The following FGF8 variants were observed in gnomAD, a reference collection of about 807,000 sequenced individuals.
The protein encoded by FGF8 is androgen-induced growth factor.
In FGF8, 12 loss-of-function variants were observed where a neutral mutation model predicts 29.7. The ratio of observed to expected loss-of-function variants is 0.40; its 90% CI spans 0.26 to 0.65. The LOEUF is 0.65. Among genes scored for constraint, FGF8 ranks in the 30% least tolerant of loss-of-function variants. The pLI, the probability that FGF8 is intolerant of heterozygous loss-of-function variation, is 0.37. For synonymous variants in FGF8, 157 were observed against 144.4 expected, an observed-to-expected ratio of 1.09 and a Z score of -0.63; for missense variants, 271 against 345.1, an observed-to-expected ratio of 0.79 and a Z score of 1.70.
upstream of FGF8, among the ~76,000 whole-genome samples, chr10:101,776,935 A>G (rs570784653): frequency 4.6e-5 from 7 of 151,924 alleles, no homozygotes; most frequent in South Asian, 1.5e-3. Context: ...CCTGTGTGGA[A>G]GAGAGAGTCC....
Position 101,771,454 on chromosome 10 carries a change from G to A in FGF8, c.444+9C>T. On this transcript the variant is annotated intron_variant, in intron 5 of 5. Transcript: ENST00000320185. This position sits in a 1 kb window ranked among gnomAD's most constrained non-coding sequence, Gnocchi z 5.3. ...TCCCGCGGACCCCACCTGCCTGCTG[G>A]GGCCTCACCTTGGCGATCAGCTTCC... 1 of 1,611,138 alleles carries A rather than the reference G, an allele frequency of 6.2e-7. No individual in the cohort carries two copies. Among genetic ancestry groups the A allele is most frequent in the Non-Finnish European group, 8.5e-7 (1 of 1,177,332 alleles).
chr10:101,774,583 C>G (rs558833509), intron 4 of FGF8, 149 bp downstream of exon 4: 1 of 666,356 alleles, frequency 1.5e-6, no homozygotes, highest in East Asian at 2.7e-5. Flanking sequence ...CCTTCCCTAG[C>G]CCTCTCTTCC....
rs1307088182 is a variant in FGF8, at chr10:101,775,854, C to T, written c.32+15G>A. 3 of 1,505,978 alleles carry T rather than the reference C, an allele frequency of 2.0e-6. No homozygotes were observed. Among genetic ancestry groups the T allele is most frequent in the East Asian group, 5.3e-5 (2 of 37,938 alleles). 93.3% of individuals were successfully genotyped at this position (1,505,978 alleles called of 1,614,324 possible). ...GCGGGGGGCGGGTGGCGGGGCAGGG[C>T]GGCGCGGTACTCACAGGCAGCTCAG... On this transcript the variant is annotated intron_variant, in intron 1 of 5. Transcript: ENST00000320185. The surrounding 1 kb of genome is among the most constrained non-coding windows in gnomAD (Gnocchi z 4.6).
rs753883272 is a variant in FGF8, at chr10:101,770,539, G to A, written c.525C>T (p.Tyr175=). The A allele has an allele frequency of 9.3e-6, 15 of 1,613,494 alleles. No homozygotes were observed. Among genetic ancestry groups the A allele is most frequent in the East Asian group, 2.2e-5 (1 of 44,880 alleles). Residue 175 remains tyrosine (Y), a synonymous_variant, in exon 6 of 6, where the codon TAC becomes TAT. Transcript: ENST00000320185. Reference sequence around the variant, plus strand: ...GGGTGAAGGCCATGTACCAGCCCTCGTACTTGGCATTCTGCAGCGCTGTGT... The same window carrying A: ...GGGTGAAGGCCATGTACCAGCCCTCATACTTGGCATTCTGCAGCGCTGTGT... The part of the protein sequence containing the change: ...NNYTALQNAK[Y]EGWYMAFTRK...
chr10:101,778,616 A>T (rs1052445441), upstream of FGF8, among the ~76,000 whole-genome samples: 3 of 152,192 alleles, frequency 2.0e-5, no homozygotes, highest in East Asian at 1.9e-4. Context: ...TTACATTTGG[A>T]TTTGGAGACC....
Position 101,775,786 on chromosome 10 carries a change from A to G in FGF8, c.33-10T>C. ...CAGCAAGTGCAACAGCCTGTGGGAG[A>G]CAAAAGCGGGCGGGAGAGAGAGGCG... On this transcript the variant is annotated splice_polypyrimidine_tract_variant and intron_variant, in intron 1 of 5. Coordinates refer to ENST00000320185, the MANE Select transcript of FGF8 (RefSeq NM_033163.5). This position sits in a 1 kb window ranked among gnomAD's most constrained non-coding sequence, Gnocchi z 4.6. 2 of 1,542,692 alleles carry G rather than the reference A, an allele frequency of 1.3e-6. No homozygotes were observed. The highest frequency in any genetic ancestry group is 1.7e-6 in the Non-Finnish European group (2 of 1,144,884).
rs1329087018 is a variant in FGF8, at chr10:101,775,757, G to T, written c.52C>A (p.Leu18Ile). Residue 18 changes from leucine to isoleucine, a missense_variant, in exon 2 of 6, where the codon CTC becomes ATC. By Grantham distance (5) the Leu-to-Ile change is conservative. Transcript: ENST00000320185. The surrounding 1 kb of genome is among the most constrained non-coding windows in gnomAD (Gnocchi z 4.6). ...CTCCTCACCTGGGCTTGGAGGCAGA[G>T]GACCAGCAAGTGCAACAGCCTGTGG... is the stretch of plus-strand genomic sequence containing the variant. ...LSCLLLHLLV[L>I]CLQAQEGPGR... 6.5e-7 allele frequency: 1 copy of T among 1,545,984 alleles called. No homozygotes were observed. Among genetic ancestry groups the T allele is most frequent in the Admixed American group, 2.0e-5 (1 of 51,020 alleles).
At chr10:101,774,470 G>A (rs2065062810) in intron 4 of FGF8, among the ~76,000 whole-genome samples, 2 of 152,134 alleles carry the variant, frequency 1.3e-5, no homozygotes, top group Non-Finnish European at 2.9e-5. Flanking sequence ...ACCTGCAGCT[G>A]GGGAGGAGTG....
upstream of FGF8, chr10:101,780,217 C>T (rs1333745973): frequency 6.6e-6 from 1 of 152,302 alleles, no homozygotes; most frequent in African/African-American, 2.4e-5. Flanking sequence ...CAGATCACCG[C>T]AACACAGACG....
In FGF8 at chr10:101,775,310, A is replaced by G; in HGVS notation, c.70-94T>C. ...TTTACGGAGCAAATGTTGAGAGTGCAGGGAACCTGGGCACCCGATCATTGG... is the reference window on the plus strand; with the variant it reads ...TTTACGGAGCAAATGTTGAGAGTGCGGGGAACCTGGGCACCCGATCATTGG... On this transcript the variant is annotated intron_variant, in intron 2 of 5. Coordinates refer to ENST00000320185, the MANE Select transcript of FGF8 (RefSeq NM_033163.5). The surrounding 1 kb of genome is among the most constrained non-coding windows in gnomAD (Gnocchi z 4.6). 1.1e-6 allele frequency: 1 copy of G among 933,308 alleles called. No homozygotes were observed. The allele number at this position is 933,308 out of a possible 1,614,324, so 57.8% of individuals were successfully genotyped here. A position where few individuals can be genotyped will look rare whatever the true frequency, so the allele number is the denominator to read the frequency against.
Position 101,770,323 on chromosome 10 carries a change from C to T in FGF8, c.*6G>A, listed in dbSNP as rs776144287. The stretch of plus-strand genomic sequence containing the variant: ...GTCTGGCATTGTGGGGAGGGCCAGG[C>T]AGCACCTATCGGGGCTCGGGGGCCC... On this transcript the variant is annotated 3_prime_UTR_variant, in exon 6 of 6. Coordinates refer to ENST00000320185, the MANE Select transcript of FGF8 (RefSeq NM_033163.5). 3.8e-6 allele frequency: 6 copies of T among 1,585,858 alleles called. No homozygotes were observed. The highest frequency in any genetic ancestry group is 3.6e-5 in the Admixed American group (2 of 55,578).
At chr10:101,777,977 G>A (rs927000982), upstream of FGF8, among the ~76,000 whole-genome samples, 5 of 152,204 alleles carry the variant, frequency 3.3e-5, no homozygotes, top group African/African-American at 1.2e-4. Context: ...AGACAAGTCA[G>A]GTGGACACAA....
Position 101,775,274 on chromosome 10 carries a change from A to G in FGF8, c.70-58T>C. On this transcript the variant is annotated intron_variant, in intron 2 of 5. Coordinates refer to ENST00000320185, the MANE Select transcript of FGF8 (RefSeq NM_033163.5). The surrounding 1 kb of genome is among the most constrained non-coding windows in gnomAD (Gnocchi z 4.6). ...CAGCCCTCCCCGACCCCTGACATTT[A>G]TAAAGACAAATTTACGGAGCAAATG... 1 of 1,213,222 alleles carries G rather than the reference A, an allele frequency of 8.2e-7. No individual in the cohort carries two copies. The highest frequency in any genetic ancestry group is 1.2e-6 in the Non-Finnish European group (1 of 847,796). The allele number at this position is 1,213,222 out of a possible 1,614,324, so 75.2% of individuals were successfully genotyped here.
rs1276624201 is a variant in FGF8 at position 101,775,477 on chromosome 10, C to G, written c.70-261G>C. On this transcript the variant is annotated intron_variant, in intron 2 of 5. Coordinates refer to ENST00000320185, the MANE Select transcript of FGF8 (RefSeq NM_033163.5). This position sits in a 1 kb window ranked among gnomAD's most constrained non-coding sequence, Gnocchi z 4.6. ...GGCTGGGTGTTCCCTATGCCCCCAG[C>G]CGGCGAGGATGCATGGGGGACAGTG... The G allele has an allele frequency of 5.0e-6, 3 of 603,434 alleles. No individual in the cohort carries two copies. The highest frequency in any genetic ancestry group is 8.8e-6 in the Non-Finnish European group (3 of 340,160). 37.4% of individuals were successfully genotyped at this position (603,434 alleles called of 1,614,324 possible).
upstream of FGF8, chr10:101,776,179 G>A (rs2735430): frequency 8.4e-6 from 1 of 118,602 alleles, no homozygotes; most frequent in Non-Finnish European, 1.8e-5. Context: ...GTGGGAGGGC[G>A]GGGAGGGGTG....
upstream of FGF8, among the ~76,000 whole-genome samples, chr10:101,778,720 G>A (rs530399228): frequency 2.5e-4 from 38 of 152,326 alleles, no homozygotes; most frequent in African/African-American, 8.7e-4. Context: ...GGGACACCCC[G>A]GGAGCAAGCA....
Position 101,770,153 on chromosome 10 carries a change from A to C in FGF8, c.*176T>G, listed in dbSNP as rs759822095. ...CTCTCTTTTGTTTTAAAAAAAAAAA[A>C]AAAAAAAAAAACAGCAAAAACCCAA... On this transcript the variant is annotated 3_prime_UTR_variant, in exon 6 of 6. Transcript: ENST00000320185. 1.1e-5 allele frequency: 6 copies of C among 525,754 alleles called. No individual in the cohort carries two copies. Among genetic ancestry groups the C allele is most frequent in the South Asian group, 5.8e-5 (2 of 34,714 alleles). 32.6% of individuals were successfully genotyped at this position (525,754 alleles called of 1,614,324 possible).
intron 4 of FGF8, among the ~76,000 whole-genome samples, chr10:101,773,218 CTGA>C (rs2065046775): frequency 6.6e-6 from 1 of 152,184 alleles, no homozygotes; most frequent in South Asian, 2.1e-4. Context: ...CAGGCTTCCT[CTGA>C]TGTCTGAAGA....
chr10:101,775,774 A>T lies in FGF8; in HGVS notation c.35T>A (p.Leu12Gln). ...GSPRSALSCL[L>Q]LHLLVLCLQA... ...GAGGCAGAGGACCAGCAAGTGCAAC[A>T]GCCTGTGGGAGACAAAAGCGGGCGG... The change falls in exon 2 of 6, where the codon CTG becomes CAG. Residue 12 changes from leucine to glutamine, a missense_variant and splice_region_variant. Physicochemically the swap from Leu to Gln is moderately radical, Grantham distance 113. Transcript: ENST00000320185. The surrounding 1 kb of genome is among the most constrained non-coding windows in gnomAD (Gnocchi z 4.6). 6.5e-7 allele frequency: 1 copy of T among 1,544,402 alleles called. No individual in the cohort carries two copies. Among genetic ancestry groups the T allele is most frequent in the Non-Finnish European group, 8.7e-7 (1 of 1,145,548 alleles).
Sources: allele counts gnomAD v4.1 joint callset (sites outside exome capture counted in the v4.1 genomes callset), GRCh38; gene constraint gnomAD v4.1.1; non-coding constraint Gnocchi (gnomAD v3.1); transcripts MANE v1.5; gene names NCBI Gene and HGNC (gene_info 2026-07-23, HGNC 2026-07-21).